JAKMIP3: variants seen among roughly 807,000 people sequenced by gnomAD.
JAKMIP3 encodes the protein janus kinase and microtubule-interacting protein 3.
A neutral mutation model predicts 118.5 loss-of-function variants in JAKMIP3; 58 were observed. The ratio of observed to expected loss-of-function variants is 0.49; its 90% CI spans 0.40 to 0.61. The LOEUF (loss-of-function observed/expected upper bound fraction) is 0.61. JAKMIP3 is among the 20% of genes least tolerant of loss of function. JAKMIP3 has a pLI of 0.00. For synonymous variants in JAKMIP3, 486 were observed against 451.2 expected (o/e 1.08, Z -0.98); for missense variants, 950 against 1,109.0 (o/e 0.86, Z 2.04).
chr10:132,139,180 CTG>C (rs879430782), intron 9 of JAKMIP3, among the ~76,000 whole-genome samples: 14,087 of 113,228 alleles, frequency 0.12, 1,122 homozygotes, highest in East Asian at 0.36. Flanking sequence ...GTGTATGTGT[CTG>C]TGTATGTGTG....
Position 132,137,119 on chromosome 10 carries a change from A to G in JAKMIP3, c.1217A>G (p.Glu406Gly). The G allele has an allele frequency of 6.2e-7, 1 of 1,613,914 alleles. No homozygotes were observed. Among genetic ancestry groups the G allele is most frequent in the Non-Finnish European group, 8.5e-7 (1 of 1,179,868 alleles). ...GATTTCTTGAAGCTTCAGATTGTGG[A>G]GCAGCAAAACCTCATAGATGAACTG... Reference protein sequence around the residue: ...EVDFLKLQIVEQQNLIDELSK... With the variant: ...EVDFLKLQIVGQQNLIDELSK... Residue 406 changes from glutamate to glycine, a missense_variant, in exon 7 of 24, where the codon GAG (glutamate) becomes GGG (glycine). Physicochemically the swap from Glu to Gly is moderately conservative, Grantham distance 98. Transcript: ENST00000684848.
At chr10:132,092,428 T>C (rs994245832) in intron 1 of JAKMIP3, among the ~76,000 whole-genome samples, 9 of 152,266 alleles carry the variant, frequency 5.9e-5, no homozygotes, top group African/African-American at 2.2e-4. Flanking sequence ...TTTGGTCTTT[T>C]CACATAGTCC....
chr10:132,097,808 A>C (rs2044104729), intron 1 of JAKMIP3, among the ~76,000 whole-genome samples: 1 of 150,580 alleles, frequency 6.6e-6, no homozygotes, highest in Non-Finnish European at 1.5e-5. Flanking sequence ...TTAGAATTTT[A>C]ATGCATTTGC....
chr10:132,161,824 C>G (rs2058375166), intron 19 of JAKMIP3, among the ~76,000 whole-genome samples: 1 of 110,046 alleles, frequency 9.1e-6, no homozygotes, highest in Admixed American at 1.2e-4. Flanking sequence ...GGGGGGGCCT[C>G]TTCTTGGGTG....
Position 132,112,579 on chromosome 10 carries a change from C to T in JAKMIP3, c.136-4498C>T, listed in dbSNP as rs1186377345. On this transcript the variant is annotated intron_variant, in intron 2 of 23. Transcript: ENST00000684848. The surrounding 1 kb of genome is among the most constrained non-coding windows in gnomAD (Gnocchi z 4.3). The stretch of plus-strand genomic sequence containing the variant: ...ACAAAGTCCCGCTTGGCTCTGTGTT[C>T]ACAGAGATTTATGTGAATGTCTTGC... Among the ~76,000 whole-genome samples, 3 of 152,192 alleles carry T rather than the reference C, an allele frequency of 2.0e-5. No individual in the cohort carries two copies. The highest frequency in any genetic ancestry group is 7.2e-5 in the African/African-American group (3 of 41,444).
At chr10:132,141,098 GT>G (rs1195245832) in intron 10 of JAKMIP3, among the ~76,000 whole-genome samples, 2 of 152,222 alleles carry the variant, frequency 1.3e-5, no homozygotes, top group Non-Finnish European at 2.9e-5. Flanking sequence ...TCAGCACCAG[GT>G]CGGGGCTTGG....
intron 1 of JAKMIP3, among the ~76,000 whole-genome samples, chr10:132,103,707 A>G (rs1233852803): frequency 6.6e-6 from 1 of 152,024 alleles, no homozygotes; most frequent in African/African-American, 2.4e-5. Flanking sequence ...GTGCCTGACC[A>G]TGGATTGGTG....
chr10:132,138,270 G>A lies in JAKMIP3; in HGVS notation c.1344+92G>A, dbSNP rs540668351. 365 of 1,162,084 alleles carry A rather than the reference G, an allele frequency of 3.1e-4. 3 individuals carry two copies. The South Asian group carries it at 4.0e-3, about 13-fold the overall frequency. 72.0% of individuals were successfully genotyped at this position (1,162,084 alleles called of 1,614,324 possible). A position where few individuals can be genotyped will look rare whatever the true frequency, so the allele number is the denominator to read the frequency against. On this transcript the variant is annotated intron_variant, in intron 9 of 23. Transcript: ENST00000684848. ...GTGTGTGGAGAGCGCTGGTGTGTGC[G>A]GAGAGGGGTGCGCCGGTGTACGTGG...
At chr10:132,157,093 G>C (rs1208086596) in intron 19 of JAKMIP3, among the ~76,000 whole-genome samples, 1 of 152,152 alleles carries the variant, frequency 6.6e-6, no homozygotes, top group Non-Finnish European at 1.5e-5. Context: ...CCGAGAGATG[G>C]TCATCATGCC....
In JAKMIP3 at chr10:132,133,397, A is replaced by G; in HGVS notation, c.719A>G (p.Gln240Arg). 6.2e-7 allele frequency: 1 copy of G among 1,601,000 alleles called. No individual in the cohort carries two copies. Among genetic ancestry groups the G allele is most frequent in the South Asian group, 1.1e-5 (1 of 88,436 alleles). ...GVQAGHAQRL[Q>R]LQKEALDEQL... is the part of the protein sequence containing the mutation. ...CAAGCCGGGCATGCTCAGAGACTGC[A>G]GCTCCAAAAAGAGGCTCTAGATGAG... Residue 240 changes from glutamine to arginine, a missense_variant, in exon 4 of 24, where the codon CAG becomes CGG. Physicochemically the swap from Gln to Arg is conservative, Grantham distance 43. Transcript: ENST00000684848.
chr10:132,040,472 C>CCA (rs1280787388), intron 1 of JAKMIP3, among the ~76,000 whole-genome samples: 1 of 152,120 alleles, frequency 6.6e-6, no homozygotes, highest in African/African-American at 2.4e-5. Context: ...ACTCCCCCAG[C>CCA]CACACACAGA....
Position 132,168,146 on chromosome 10 carries a change from C to G in JAKMIP3, c.*216C>G. ...TGGGATGTGCCAGAACTAGAACTGG[C>G]TCTGCCGACTTCTCGGGGGCTTCTC... is the stretch of plus-strand genomic sequence containing the variant. On this transcript the variant is annotated 3_prime_UTR_variant, in exon 23 of 24. Transcript: ENST00000684848. 1 of 1,286,104 alleles carries G rather than the reference C, an allele frequency of 7.8e-7. No individual in the cohort carries two copies. Among genetic ancestry groups the G allele is most frequent in the Non-Finnish European group, 1.0e-6 (1 of 986,674 alleles). 79.7% of individuals were successfully genotyped at this position (1,286,104 alleles called of 1,614,324 possible). A position where few individuals can be genotyped will look rare whatever the true frequency, so the allele number is the denominator to read the frequency against.
At chr10:132,053,068 G>T (rs572407136) in intron 1 of JAKMIP3, among the ~76,000 whole-genome samples, 1 of 152,278 alleles carries the variant, frequency 6.6e-6, no homozygotes, top group South Asian at 2.1e-4. Context: ...TGTTTGTGGG[G>T]TTTCTCTGAG....
chr10:132,129,389 G>C (rs1304165044), intron 3 of JAKMIP3, among the ~76,000 whole-genome samples: 1 of 152,124 alleles, frequency 6.6e-6, no homozygotes, highest in Non-Finnish European at 1.5e-5. Context: ...AAGGCCTCTG[G>C]GAGTCCTGCC....
At chr10:132,180,738 C>CGCGTGTGTGTGT (rs1565021635) in intron 23 of JAKMIP3, among the ~76,000 whole-genome samples, 1 of 7,480 alleles carries the variant, frequency 1.3e-4, no homozygotes, top group African/African-American at 6.5e-4. Context: ...TGCGTGTGTG[C>CGCGTGTGTGTGT]GTGCGTGCGC....
intron 1 of JAKMIP3, among the ~76,000 whole-genome samples, chr10:132,092,987 A>G (rs2043291395): frequency 1.3e-5 from 2 of 152,238 alleles, no homozygotes; most frequent in African/African-American, 4.8e-5. Context: ...TCCTTCTAAC[A>G]GTCAGGACCC....
chr10:132,130,289 G>A (rs905201018), intron 3 of JAKMIP3, among the ~76,000 whole-genome samples: 1 of 152,224 alleles, frequency 6.6e-6, no homozygotes, highest in Non-Finnish European at 1.5e-5. Flanking sequence ...TGGGAGCTGG[G>A]TGATGGAGGT....
intron 4 of JAKMIP3, 82 bp from the exon 5 acceptor site, chr10:132,134,959 G>A: frequency 6.5e-7 from 1 of 1,545,546 alleles, no homozygotes; most frequent in Non-Finnish European, 8.9e-7. Context: ...CAGCGTTTTT[G>A]TTCCCGTAGC....
rs1565020008 is a variant in JAKMIP3, at chr10:132,180,658, C to CGG, written c.*1104-1698_*1104-1697insGG. ...GCGTGCGTGTGTGCGTGTGCGTGTG[C>CGG]GTGTGTGCGTGTGTGTGCGCGCGCG... On this transcript the variant is annotated intron_variant, in intron 23 of 23. Transcript: ENST00000684848. Among the ~76,000 whole-genome samples the CGG allele has an allele frequency of 3.6e-4, 3 of 8,422 alleles. 1 individual carries two copies. In the South Asian group the frequency reaches 0.013, roughly 35 times the overall value. The allele number at this position is 8,422 out of a possible 152,430, so 5.5% of individuals were successfully genotyped here.
Sources: allele counts gnomAD v4.1 joint callset (sites outside exome capture counted in the v4.1 genomes callset), GRCh38; gene constraint gnomAD v4.1.1; non-coding constraint Gnocchi (gnomAD v3.1); transcripts MANE v1.5; gene names NCBI Gene and HGNC (gene_info 2026-07-23, HGNC 2026-07-21).